BSPRY: variants seen among roughly 807,000 people sequenced by gnomAD.
BSPRY encodes B box and SPRY domain-containing protein.
BSPRY carries 33 observed loss-of-function variants against 38.0 expected under a neutral mutation model. The observed-to-expected ratio is 0.87, with a 90% confidence interval of 0.66 to 1.16. The LOEUF is 1.16. BSPRY is among the 50% of genes most tolerant of loss of function. BSPRY has a pLI of 0.00. For synonymous variants in BSPRY, 224 were observed against 228.5 expected (o/e 0.98, Z 0.18); for missense variants, 523 against 533.2 (o/e 0.98, Z 0.19).
At chr9:113,364,163 G>A (rs1364508119) in intron 4 of BSPRY, among the ~76,000 whole-genome samples, 1 of 152,148 alleles carries the variant, frequency 6.6e-6, no homozygotes, top group Non-Finnish European at 1.5e-5. Context: ...TCCAGACTGG[G>A]TGATGGGAGT....
At chr9:113,358,512 C>T (rs1401274042) in intron 2 of BSPRY, among the ~76,000 whole-genome samples, 1 of 152,052 alleles carries the variant, frequency 6.6e-6, no homozygotes, top group Non-Finnish European at 1.5e-5. Flanking sequence ...GGGTGATCCA[C>T]CTGCCTCAGC....
intron 2 of BSPRY, among the ~76,000 whole-genome samples, chr9:113,355,918 A>T (rs1000337984): frequency 6.6e-6 from 1 of 152,096 alleles, no homozygotes; most frequent in Admixed American, 6.5e-5. Context: ...GCCTGGCCCG[A>T]CAAATCCTGA....
At chr9:113,358,008 A>G (rs1834091294) in intron 2 of BSPRY, among the ~76,000 whole-genome samples, 1 of 140,802 alleles carries the variant, frequency 7.1e-6, no homozygotes, top group South Asian at 2.4e-4. Context: ...GCACTTTGGG[A>G]GGCCAAGGCC....
rs1416395629 is a variant in BSPRY at position 113,370,859 on chromosome 9, T to C, written c.*717T>C. 6.6e-6 allele frequency: 1 copy of C among 152,246 alleles called. No individual in the cohort carries two copies. The highest frequency in any genetic ancestry group is 1.5e-5 in the Non-Finnish European group (1 of 68,050). 9.4% of individuals were successfully genotyped at this position (152,246 alleles called of 1,614,324 possible). A position where few individuals can be genotyped will look rare whatever the true frequency, so the allele number is the denominator to read the frequency against. On this transcript the variant is annotated 3_prime_UTR_variant, in exon 6 of 6. Coordinates refer to ENST00000374183, the MANE Select transcript of BSPRY (RefSeq NM_017688.3). The surrounding 1 kb of genome is among the most constrained non-coding windows in gnomAD (Gnocchi z 4.8). The stretch of plus-strand genomic sequence containing the variant: ...CAGTGCTTTTGTCTTTTTCATGACA[T>C]GGCACATAGAGAAAATATTTTTTTC...
At chr9:113,357,034 A>G (rs2118911484) in intron 2 of BSPRY, among the ~76,000 whole-genome samples, 1 of 152,268 alleles carries the variant, frequency 6.6e-6, no homozygotes, top group South Asian at 2.1e-4. Context: ...GCCGTGGGAG[A>G]GGATGACATC....
chr9:113,350,887 T>G lies in BSPRY; in HGVS notation c.201+1107T>G, dbSNP rs544043122. Among the ~76,000 whole-genome samples, 4 of 152,320 alleles carry G rather than the reference T, an allele frequency of 2.6e-5. No homozygotes were observed. The East Asian group carries it at 7.7e-4, about 29-fold the overall frequency. On this transcript the variant is annotated intron_variant, in intron 1 of 5. Transcript: ENST00000374183. ...AAAAAATTTGCAAACTCCAAAGTAC[T>G]TAAATGTCTGTCATCTCATTCTGTC... is the stretch of plus-strand genomic sequence containing the variant.
At chr9:113,352,923 G>C (rs889239273) in intron 1 of BSPRY, among the ~76,000 whole-genome samples, 1 of 152,292 alleles carries the variant, frequency 6.6e-6, no homozygotes, top group East Asian at 1.9e-4. Flanking sequence ...AATTGATGTG[G>C]GGTTGGAGAC....
intron 4 of BSPRY, among the ~76,000 whole-genome samples, chr9:113,366,051 C>T (rs1834245894): frequency 6.6e-6 from 1 of 152,014 alleles, no homozygotes; most frequent in Non-Finnish European, 1.5e-5. Flanking sequence ...GTGATCCTTC[C>T]ACCTCAGTCT....
intron 1 of BSPRY, among the ~76,000 whole-genome samples, chr9:113,350,185 C>CTGCTCCAGTTCTCAGCGCAGGGTG (rs1833949977): frequency 6.6e-6 from 1 of 152,186 alleles, no homozygotes; most frequent in Non-Finnish European, 1.5e-5. Flanking sequence ...AAAGGCTCAG[C>CTGCTCCAGTTCTCAGCGCAGGGTG]TGCTCCAGTT....
intron 5 of BSPRY, 85 bp from the exon 6 acceptor site, chr9:113,369,531 A>C (rs1834304989): frequency 2.2e-6 from 3 of 1,353,820 alleles, no homozygotes; most frequent in Admixed American, 4.4e-5. Context: ...CATGCTAGTG[A>C]GTGGTGAGGA....
Position 113,349,618 on chromosome 9 carries a change from G to GTCCGGT in BSPRY, c.44_45insTTCCGG (p.Ser14_Gly15dup). On this transcript the variant is annotated inframe_insertion, in exon 1 of 6. Transcript: ENST00000374183. ...GCGCGGAGCCGGGGCCGGGGTCCGGGTCCGGGCCCGGGCCGGGGCCACTCT... is the reference window on the plus strand; with the variant it reads ...GCGCGGAGCCGGGGCCGGGGTCCGGGTCCGGTTCCGGGCCCGGGCCGGGGCCACTCT... 1 of 1,200,232 alleles carries GTCCGGT rather than the reference G, an allele frequency of 8.3e-7. No homozygotes were observed. Among genetic ancestry groups the GTCCGGT allele is most frequent in the Non-Finnish European group, 1.0e-6 (1 of 967,406 alleles). The allele number at this position is 1,200,232 out of a possible 1,614,324, so 74.3% of individuals were successfully genotyped here. A position where few individuals can be genotyped will look rare whatever the true frequency, so the allele number is the denominator to read the frequency against.
intron 5 of BSPRY, 88 bp downstream of exon 5, chr9:113,368,471 C>T (rs528048143): frequency 4.8e-5 from 73 of 1,507,454 alleles, no homozygotes; most frequent in African/African-American, 4.2e-4. Context: ...AATGGGGACC[C>T]GTGCTTCTGA....
Position 113,360,690 on chromosome 9 carries a change from A to G in BSPRY, c.484A>G (p.Thr162Ala), listed in dbSNP as rs1834139105. The G allele has an allele frequency of 6.2e-7, 1 of 1,604,850 alleles. No individual in the cohort carries two copies. The highest frequency in any genetic ancestry group is 1.1e-5 in the South Asian group (1 of 89,282). ...EALQKLDTIR[T>A]GLVGMLTHLD... Reference sequence around the variant, plus strand: ...GCTGCAGAAACTTGACACCATCCGCACTGGCCTGGTGGGCATGCTTACTCA... The same window carrying G: ...GCTGCAGAAACTTGACACCATCCGCGCTGGCCTGGTGGGCATGCTTACTCA... The change falls in exon 3 of 6, where the codon ACT becomes GCT. Residue 162 changes from threonine (T) to alanine (A), a missense_variant. Coordinates refer to ENST00000374183, the MANE Select transcript of BSPRY (RefSeq NM_017688.3).
At chr9:113,366,843 G>A (rs1373797195) in intron 4 of BSPRY, among the ~76,000 whole-genome samples, 1 of 152,224 alleles carries the variant, frequency 6.6e-6, no homozygotes, top group Non-Finnish European at 1.5e-5. Context: ...AACAGTGACA[G>A]TCTTGCAAAG....
At position 113,359,782 on chromosome 9, in the gene BSPRY, C is replaced by A. The variant is rs1315401152; in HGVS notation, c.301-725C>A. ...GGGCACAGTGGCTCATGCCTATAATCCCAGCGCTTTGTGGGGCTGAGTTGG... is the reference window on the plus strand; with the variant it reads ...GGGCACAGTGGCTCATGCCTATAATACCAGCGCTTTGTGGGGCTGAGTTGG... On this transcript the variant is annotated intron_variant, in intron 2 of 5. Transcript: ENST00000374183. Among the ~76,000 whole-genome samples the A allele has an allele frequency of 2.0e-5, 3 of 151,920 alleles. No individual in the cohort carries two copies. In the East Asian group the frequency reaches 5.9e-4, roughly 30 times the overall value.
chr9:113,366,178 C>A (rs1588068459), intron 4 of BSPRY, among the ~76,000 whole-genome samples: 1 of 152,076 alleles, frequency 6.6e-6, no homozygotes, highest in African/African-American at 2.4e-5. Flanking sequence ...ACATTTGTAC[C>A]TTTTGTTATT....
intron 3 of BSPRY, among the ~76,000 whole-genome samples, chr9:113,361,523 T>TA (rs1209574998): frequency 2.6e-5 from 4 of 152,158 alleles, no homozygotes; most frequent in Non-Finnish European, 5.9e-5. Context: ...GGATATGTGC[T>TA]ATGGTAGAGG....
chr9:113,352,767 G>C (rs1433617077), intron 1 of BSPRY, among the ~76,000 whole-genome samples: 1 of 152,176 alleles, frequency 6.6e-6, no homozygotes, highest in Non-Finnish European at 1.5e-5. Flanking sequence ...CTAGCTGGGG[G>C]GTTGGGGGTG....
rs1466756214 is a variant in BSPRY, at chr9:113,349,697, G to A, written c.118G>A (p.Val40Met). ...SWFCGSERRP[V>M]CAACAGLGGR... ...GTTCTGCGGCTCCGAGCGACGGCCCGTGTGCGCCGCCTGCGCGGGGTTGGG... is the reference window on the plus strand; with the variant it reads ...GTTCTGCGGCTCCGAGCGACGGCCCATGTGCGCCGCCTGCGCGGGGTTGGG... Residue 40 changes from valine (V) to methionine (M), a missense_variant, in exon 1 of 6, where the codon GTG (valine) becomes ATG (methionine). By Grantham distance (21) the Val-to-Met change is conservative (BLOSUM62 1). Transcript: ENST00000374183. 9 of 1,238,666 alleles carry A rather than the reference G, an allele frequency of 7.3e-6. No individual in the cohort carries two copies. Among genetic ancestry groups the A allele is most frequent in the East Asian group, 3.3e-5 (1 of 30,190 alleles). 76.7% of individuals were successfully genotyped at this position (1,238,666 alleles called of 1,614,324 possible).
Sources: gnomAD v4.1 joint callset for allele counts (sites outside exome capture counted in the v4.1 genomes callset) on GRCh38, gnomAD v4.1.1 for gene constraint, Gnocchi (gnomAD v3.1) non-coding constraint, MANE v1.5 for transcripts, NCBI Gene and HGNC (gene_info 2026-07-23, HGNC 2026-07-21) for gene names.